Variants in DSE observed in about 807,000 individuals in gnomAD.
DSE encodes the protein dermatan sulfate epimerase.
In DSE, 36 loss-of-function variants were observed where a neutral mutation model predicts 84.4. The observed-to-expected ratio is 0.43, with a 90% CI of 0.33 to 0.56. DSE has a LOEUF of 0.56. Ranked by LOEUF, DSE falls within the 20% of genes least tolerant of loss-of-function variation. The pLI is 0.06. For missense variants in DSE, 862 were observed against 1,169.6 expected (o/e 0.74, Z 3.84); for synonymous variants, 410 against 430.1 (o/e 0.95, Z 0.58).
At chr6:116,323,951 C>CT (rs1341906396) in intron 2 of DSE, among the ~76,000 whole-genome samples, 1 of 152,072 alleles carries the variant, frequency 6.6e-6, no homozygotes, top group African/African-American at 2.4e-5. Context: ...CAACTCTTCT[C>CT]TTTTTTTCTG....
At chr6:116,424,707 T>G (rs993256481) in intron 2 of DSE, among the ~76,000 whole-genome samples, 30 of 152,196 alleles carry the variant, frequency 2.0e-4, no homozygotes, top group African/African-American at 6.0e-4. Context: ...ATAGACATAT[T>G]CATACATATA....
chr6:116,321,912 A>G (rs1055343954), intron 2 of DSE, among the ~76,000 whole-genome samples: 2 of 152,026 alleles, frequency 1.3e-5, no homozygotes, highest in African/African-American at 4.8e-5. Context: ...ACATGCCGCA[A>G]TTTTTTCACA....
intron 2 of DSE, chr6:116,279,462 C>G: frequency 6.2e-7 from 1 of 1,613,106 alleles, no homozygotes; most frequent in South Asian, 1.1e-5. Context: ...CCTGAACGCC[C>G]TTTTTCAGGC....
intron 2 of DSE, among the ~76,000 whole-genome samples, chr6:116,311,339 A>G (rs1775683456): frequency 6.6e-6 from 1 of 152,136 alleles, no homozygotes; most frequent in South Asian, 2.1e-4. Context: ...TGAACCACCT[A>G]TTTCACTTCT....
At chr6:116,283,293 C>G (rs1403911151) in intron 2 of DSE, among the ~76,000 whole-genome samples, 1 of 152,198 alleles carries the variant, frequency 6.6e-6, no homozygotes, top group East Asian at 1.9e-4. Context: ...GTGCATCTTT[C>G]CTAAGTAGCC....
At chr6:116,402,562 A>G (rs1247092185) in intron 2 of DSE, among the ~76,000 whole-genome samples, 1 of 152,150 alleles carries the variant, frequency 6.6e-6, no homozygotes, top group Non-Finnish European at 1.5e-5. Context: ...AATGACAATA[A>G]TGGTAATTAT....
chr6:116,423,080 C>CT (rs1166713032), intron 2 of DSE: 1 of 152,182 alleles, frequency 6.6e-6, no homozygotes, highest in African/African-American at 2.4e-5. Context: ...TTGCCCTTTA[C>CT]TTTACATTTA....
At chr6:116,269,396 T>C (rs150914285) in intron 2 of DSE, among the ~76,000 whole-genome samples, 6 of 152,318 alleles carry the variant, frequency 3.9e-5, no homozygotes, top group South Asian at 2.1e-4. Flanking sequence ...AAATAAACAA[T>C]ATTGTAGGCA....
chr6:116,275,059 T>C (rs1450091135), intron 2 of DSE, among the ~76,000 whole-genome samples: 2 of 152,138 alleles, frequency 1.3e-5, no homozygotes, highest in African/African-American at 4.8e-5. Flanking sequence ...TGAAAAAAAT[T>C]GAGATATTTT....
Position 116,428,395 on chromosome 6 carries a change from A to T in DSE, c.670+1568A>T, listed in dbSNP as rs75795340. On this transcript the variant is annotated intron_variant, in intron 3 of 5. Coordinates refer to ENST00000644252, the MANE Select transcript of DSE (RefSeq NM_013352.4). Reference sequence around the variant, plus strand: ...ACTATAGTTTTATTTCCTTAAATAAATTTTTATTTATTTAAGGGAAGGAGT... The same window carrying T: ...ACTATAGTTTTATTTCCTTAAATAATTTTTTATTTATTTAAGGGAAGGAGT... Among the ~76,000 whole-genome samples, 1,163 of 152,246 alleles carry T rather than the reference A, an allele frequency of 7.6e-3. 82 individuals are homozygous for T. The East Asian group carries it at 0.17, about 22-fold the overall frequency.
intron 2 of DSE, among the ~76,000 whole-genome samples, chr6:116,323,537 G>C (rs1304381769): frequency 6.6e-6 from 1 of 152,104 alleles, no homozygotes; most frequent in Non-Finnish European, 1.5e-5. Flanking sequence ...GCTTTTAAAT[G>C]TTCTTATCGA....
rs1295655455 is a variant in DSE at position 116,439,120 on chromosome 6, TTTACTC to T, written c.*1778_*1783del. Reference sequence around the variant, plus strand: ...TTAACCTCACTCAACATTCCTCTCTTTTACTCTTTCTCACTCAAAAGGATGAACTGT... The same window carrying T: ...TTAACCTCACTCAACATTCCTCTCTTTTTCTCACTCAAAAGGATGAACTGT... On this transcript the variant is annotated 3_prime_UTR_variant, in exon 6 of 6. Transcript: ENST00000644252. 6.6e-6 allele frequency: 1 copy of T among 152,176 alleles called. No individual in the cohort carries two copies. The highest frequency in any genetic ancestry group is 2.4e-5 in the African/African-American group (1 of 41,440). The allele number at this position is 152,176 out of a possible 1,614,324, so 9.4% of individuals were successfully genotyped here. A position where few individuals can be genotyped will look rare whatever the true frequency, so the allele number is the denominator to read the frequency against.
Position 116,442,979 on chromosome 6 carries a change from G to A in DSE, c.*5634G>A, listed in dbSNP as rs1583246494. On this transcript the variant is annotated 3_prime_UTR_variant, in exon 6 of 6. Transcript: ENST00000644252. ...CCCTGGGGTGAGGTGGGGCAGGGAGGGGGTACCCTCTGCTTAGAAATCGCT... is the reference window on the plus strand; with the variant it reads ...CCCTGGGGTGAGGTGGGGCAGGGAGAGGGTACCCTCTGCTTAGAAATCGCT... 1 of 152,178 alleles carries A rather than the reference G, an allele frequency of 6.6e-6. No homozygotes were observed. Among genetic ancestry groups the A allele is most frequent in the South Asian group, 2.1e-4 (1 of 4,832 alleles). 9.4% of individuals were successfully genotyped at this position (152,178 alleles called of 1,614,324 possible).
At chr6:116,332,784 A>G (rs1035911716) in intron 2 of DSE, among the ~76,000 whole-genome samples, 12 of 152,184 alleles carry the variant, frequency 7.9e-5, no homozygotes, top group African/African-American at 2.9e-4. Flanking sequence ...AATATATTAC[A>G]TATGCAAGTC....
intron 2 of DSE, chr6:116,278,146 A>C (rs1773254961): frequency 3.2e-6 from 1 of 310,532 alleles, no homozygotes; most frequent in African/African-American, 2.2e-5. Context: ...TAGGTGGAAC[A>C]GGCTCCCAAA....
rs1784281153 is a variant in DSE, at chr6:116,437,939, A to T, written c.*594A>T. 3 of 152,326 alleles carry T rather than the reference A, an allele frequency of 2.0e-5. No homozygotes were observed. The South Asian group carries it at 6.2e-4, about 32-fold the overall frequency. The allele number at this position is 152,326 out of a possible 1,614,324, so 9.4% of individuals were successfully genotyped here. A position where few individuals can be genotyped will look rare whatever the true frequency, so the allele number is the denominator to read the frequency against. ...ACATGGCAAAAAATGATAGCAGAAG[A>T]TCATTAAAAACTTAAAATATATTTT... On this transcript the variant is annotated 3_prime_UTR_variant, in exon 6 of 6. Coordinates refer to ENST00000644252, the MANE Select transcript of DSE (RefSeq NM_013352.4).
At chr6:116,271,050 C>A (rs887230990) in intron 2 of DSE, among the ~76,000 whole-genome samples, 24 of 152,086 alleles carry the variant, frequency 1.6e-4, no homozygotes, top group Non-Finnish European at 3.5e-4. Flanking sequence ...TATCCAAAGC[C>A]CAAATTGTGA....
At chr6:116,338,238 T>TC (rs1777383017) in intron 2 of DSE, among the ~76,000 whole-genome samples, 1 of 147,178 alleles carries the variant, frequency 6.8e-6, no homozygotes, top group South Asian at 2.2e-4. Flanking sequence ...TTTTTTTTTT[T>TC]TTTGACGGAG....
At chr6:116,395,998 A>G (rs1456520620) in intron 1 of DSE, among the ~76,000 whole-genome samples, 1 of 152,210 alleles carries the variant, frequency 6.6e-6, no homozygotes, top group Non-Finnish European at 1.5e-5. Flanking sequence ...ATAAGTTTCT[A>G]GGCTTCATAC....
Sources: allele counts gnomAD v4.1 joint callset (sites outside exome capture counted in the v4.1 genomes callset), GRCh38; gene constraint gnomAD v4.1.1; transcripts MANE v1.5; gene names NCBI Gene and HGNC (gene_info 2026-07-23, HGNC 2026-07-21).